PBRM1: variants seen among roughly 807,000 people sequenced by gnomAD.
PBRM1 encodes the protein protein polybromo-1.
PBRM1 carries 27 observed loss-of-function variants against 194.5 expected under a neutral mutation model. The ratio of observed to expected loss-of-function variants is 0.14; its 90% CI spans 0.10 to 0.19. PBRM1 has a LOEUF of 0.19. PBRM1 is among the 10% of genes least tolerant of loss of function. The pLI is 1.00. For missense variants in PBRM1, 1,466 were observed against 2,077.2 expected (o/e 0.71, Z 5.72); for synonymous variants, 655 against 693.2 (o/e 0.94, Z 0.87).
intron 27 of PBRM1, among the ~76,000 whole-genome samples, chr3:52,552,484 T>C (rs1247140953): frequency 6.6e-6 from 1 of 152,190 alleles, no homozygotes; most frequent in Non-Finnish European, 1.5e-5. Context: ...TTTCACCATG[T>C]TGCCCACTGG....
intron 13 of PBRM1, among the ~76,000 whole-genome samples, chr3:52,625,643 C>T (rs1360820096): frequency 1.3e-5 from 2 of 150,710 alleles, no homozygotes; most frequent in Non-Finnish European, 2.9e-5. Flanking sequence ...GGTACAATCT[C>T]GGCTCACTGC....
intron 18 of PBRM1, among the ~76,000 whole-genome samples, chr3:52,588,544 A>ATTTC (rs1560115913): frequency 3.6e-5 from 5 of 140,400 alleles, no homozygotes; most frequent in East Asian, 4.2e-4. Flanking sequence ...AAGAAGCTGT[A>ATTTC]TTTCTTTCTT....
intron 22 of PBRM1, among the ~76,000 whole-genome samples, chr3:52,574,720 G>A (rs2153636939): frequency 6.6e-6 from 1 of 152,304 alleles, no homozygotes; most frequent in South Asian, 2.1e-4. Flanking sequence ...GCAAAGCAGA[G>A]TTGTAATCTG....
At chr3:52,560,034 T>C (rs1197439435) in intron 25 of PBRM1, among the ~76,000 whole-genome samples, 1 of 151,938 alleles carries the variant, frequency 6.6e-6, no homozygotes, top group African/African-American at 2.4e-5. Context: ...AGAGAAAACA[T>C]CAAAAGTTCA....
intron 17 of PBRM1, among the ~76,000 whole-genome samples, chr3:52,594,889 T>C (rs2093414916): frequency 6.6e-6 from 1 of 152,128 alleles, no homozygotes; most frequent in Non-Finnish European, 1.5e-5. Flanking sequence ...GAATGTTGAA[T>C]ATAGGCCCCC....
chr3:52,646,815 A>G (rs1480890116), intron 7 of PBRM1, among the ~76,000 whole-genome samples: 2 of 152,208 alleles, frequency 1.3e-5, no homozygotes, highest in African/African-American at 4.8e-5. Context: ...TTCTTACAAG[A>G]AAACATAGGT....
chr3:52,627,355 G>A (rs1465210090), exon 13 of PBRM1: 1 of 1,611,984 alleles, frequency 6.2e-7, no homozygotes, highest in Admixed American at 1.7e-5. Flanking sequence ...CTCCTGGCAA[G>A]CTCTTTCTTC....
At chr3:52,633,603 G>A (rs755385270) in intron 11 of PBRM1, among the ~76,000 whole-genome samples, 2 of 152,052 alleles carry the variant, frequency 1.3e-5, no homozygotes, top group Non-Finnish European at 2.9e-5. Flanking sequence ...TTTCCACAGC[G>A]TCTATACCAT....
chr3:52,619,119 C>T (rs1165401382), intron 13 of PBRM1, among the ~76,000 whole-genome samples: 1 of 152,202 alleles, frequency 6.6e-6, no homozygotes, highest in African/African-American at 2.4e-5. Flanking sequence ...GTCTCAAACT[C>T]CTGACCTCAG....
intron 20 of PBRM1, 148 bp downstream of exon 22, chr3:52,586,277 T>C (rs2092377956): frequency 1.5e-6 from 1 of 684,054 alleles, no homozygotes; most frequent in Non-Finnish European, 2.5e-6. Context: ...AAAGTGTAAA[T>C]TTCTTTCTGT....
At chr3:52,667,998 T>C (rs565865326) in intron 3 of PBRM1, among the ~76,000 whole-genome samples, 12 of 152,092 alleles carry the variant, frequency 7.9e-5, no homozygotes, top group Admixed American at 1.3e-4. Flanking sequence ...GAATAGTTCA[T>C]AATCACATGA....
At chr3:52,600,576 G>C (rs923368643) in intron 17 of PBRM1, among the ~76,000 whole-genome samples, 13 of 151,944 alleles carry the variant, frequency 8.6e-5, no homozygotes, top group Non-Finnish European at 1.9e-4. Flanking sequence ...TTGTTTTTCT[G>C]ATTTCTTTGT....
chr3:52,611,189 A>G (rs1185970171), intron 15 of PBRM1, among the ~76,000 whole-genome samples: 1 of 152,210 alleles, frequency 6.6e-6, no homozygotes, highest in Non-Finnish European at 1.5e-5. Context: ...CAAGACACAC[A>G]CAAAAAAAAC....
chr3:52,547,807 C>T (rs1307955236), downstream of PBRM1: 9 of 368,334 alleles, frequency 2.4e-5, no homozygotes, highest in South Asian at 3.7e-4. Flanking sequence ...ACATATACAA[C>T]CAATTATGAA....
chr3:52,662,355 T>A (rs909955492), intron 3 of PBRM1, 79 bp from the exon 5 acceptor site: 51 of 1,264,690 alleles, frequency 4.0e-5, no homozygotes, highest in Non-Finnish European at 5.2e-5. Flanking sequence ...AGCACCTGTT[T>A]CAGCAAAGAC....
chr3:52,549,842 T>C (rs1449788082), intron 29 of PBRM1, among the ~76,000 whole-genome samples: 1 of 151,684 alleles, frequency 6.6e-6, no homozygotes, highest in African/African-American at 2.4e-5. Context: ...GGGTCGGAGG[T>C]TGCAGTAAGT....
intron 7 of PBRM1, among the ~76,000 whole-genome samples, chr3:52,647,188 A>G (rs1476957900): frequency 6.6e-6 from 1 of 151,970 alleles, no homozygotes; most frequent in Admixed American, 6.6e-5. Flanking sequence ...CATTAGGGAG[A>G]TGTCAATCAA....
At chr3:52,663,365 G>A (rs2096765232) in intron 3 of PBRM1, among the ~76,000 whole-genome samples, 1 of 152,208 alleles carries the variant, frequency 6.6e-6, no homozygotes, top group African/African-American at 2.4e-5. Flanking sequence ...CAGGGAGCAA[G>A]GACGACTGCC....
intron 17 of PBRM1, among the ~76,000 whole-genome samples, chr3:52,590,371 G>A (rs73078824): frequency 2.6e-5 from 4 of 151,560 alleles, no homozygotes; most frequent in African/African-American, 9.7e-5. Flanking sequence ...CAGAAGAATC[G>A]CTTAAACCTG....
Sources: gnomAD v4.1 joint callset for allele counts (sites outside exome capture counted in the v4.1 genomes callset) on GRCh38, gnomAD v4.1.1 for gene constraint, MANE v1.5 for transcripts, NCBI Gene and HGNC (gene_info 2026-07-23, HGNC 2026-07-21) for gene names.